Variants in PYGM observed in about 807,000 individuals in gnomAD.
The protein encoded by PYGM is glycogen phosphorylase, muscle associated, also known as glycogen phosphorylase, muscle form.
In PYGM, 81 loss-of-function variants were observed where a neutral mutation model predicts 99.3. The observed-to-expected ratio is 0.82, with a 90% CI of 0.68 to 0.98. The LOEUF (loss-of-function observed/expected upper bound fraction) is 0.98, where lower values mean the gene tolerates loss of function less well. PYGM is among the 50% of genes least tolerant of loss of function. The probability of loss-of-function intolerance (pLI) is 0.00; values close to 1 mark genes in which losing one functional copy is unlikely to be tolerated. For synonymous variants in PYGM, 436 were observed against 451.5 expected, an observed-to-expected ratio of 0.97 and a Z score of 0.44; for missense variants, 1,030 against 1,158.1, an observed-to-expected ratio of 0.89 and a Z score of 1.61.
chr11:64,758,902 CA>C (rs2058414260), intron 1 of PYGM, among the ~76,000 whole-genome samples, 198 bp from the exon 2 acceptor site: 1 of 152,204 alleles, frequency 6.6e-6, no homozygotes, highest in South Asian at 2.1e-4. Context: ...TGACTTTGGA[CA>C]AATCACTCTC....
In PYGM at chr11:64,753,629, C is replaced by T; in HGVS notation, c.1293G>A (p.Leu431=). 1 of 1,609,018 alleles carries T rather than the reference C, an allele frequency of 6.2e-7. No individual in the cohort carries two copies. Among genetic ancestry groups the T allele is most frequent in the South Asian group, 1.1e-5 (1 of 90,680 alleles). Residue 431 remains leucine (L), a synonymous_variant, in exon 11 of 20, where the codon CTG becomes CTA. Coordinates refer to ENST00000164139, the MANE Select transcript of PYGM (RefSeq NM_005609.4). ...TGCGCTTCACTGCGCCCTCCTCCAC[C>T]AGCGACATGCGCCGCAGCCGGTCTA... ...GDVDRLRRMS[L]VEEGAVKRIN...
rs1322278958 is a variant in PYGM, at chr11:64,753,688, C to T, written c.1240-6G>A. The T allele has an allele frequency of 6.2e-7, 1 of 1,603,594 alleles. No homozygotes were observed. ...GGGAATGCGGCCGCCACCCGCTGTG[C>T]CCAGAGAGCCCAGAGCTAGAACCAG... On this transcript the variant is annotated splice_region_variant and splice_polypyrimidine_tract_variant and intron_variant, in intron 10 of 19. Transcript: ENST00000164139.
rs368649966 is a variant in PYGM at position 64,759,753 on chromosome 11, G to T, written c.146C>A (p.Pro49Gln). 1.4e-5 allele frequency: 22 copies of T among 1,614,124 alleles called. No homozygotes were observed. In the African/African-American group the frequency reaches 2.4e-4, roughly 18 times the overall value. The change falls in exon 1 of 20, where the codon CCA becomes CAA. Residue 49 changes from proline to glutamine, a missense_variant. Pro to Gln is a moderately conservative substitution (Grantham distance 76, BLOSUM62 -1). Transcript: ENST00000164139. ...GGCCAGAGCAAAGTAGTAGTCTCGT[G>T]GGGTGGCCACATTGCGGTCCTTTAC... Reference protein sequence around the residue: ...TLVKDRNVATPRDYYFALAHT... With the variant: ...TLVKDRNVATQRDYYFALAHT...
At chr11:64,751,089 A>G in intron 16 of PYGM, 1 of 524,848 alleles carries the variant, frequency 1.9e-6, no homozygotes, top group Non-Finnish European at 3.4e-6. Flanking sequence ...ACGGGGTTTC[A>G]CCATGTTGGC....
chr11:64,749,793 ATTT>A (rs71049658), intron 17 of PYGM, among the ~76,000 whole-genome samples: 6 of 136,308 alleles, frequency 4.4e-5, no homozygotes, highest in Non-Finnish European at 4.6e-5. Context: ...GGGAGCAAGG[ATTT>A]TTTTTTTTTT....
chr11:64,751,270 T>C, intron 16 of PYGM, 55 bp downstream of exon 16: 4 of 1,610,824 alleles, frequency 2.5e-6, no homozygotes, highest in Non-Finnish European at 3.4e-6. Flanking sequence ...CTGATACCTC[T>C]TCCTGAGACT....
chr11:64,751,424 C>T lies in PYGM; in HGVS notation c.1870G>A (p.Val624Ile), dbSNP rs143217651. ...TTGACCACATCCCCGATGGCTGTGACGAGTCTGATGATCATCTTGGCCATG... is the reference window on the plus strand; with the variant it reads ...TTGACCACATCCCCGATGGCTGTGATGAGTCTGATGATCATCTTGGCCATG... ...YHMAKMIIRL[V>I]TAIGDVVNHD... Residue 624 changes from valine to isoleucine, a missense_variant, in exon 16 of 20, where the codon GTC becomes ATC. Coordinates refer to ENST00000164139, the MANE Select transcript of PYGM (RefSeq NM_005609.4). 3.0e-4 allele frequency: 487 copies of T among 1,614,050 alleles called. 1 individual carries two copies. The highest frequency in any genetic ancestry group is 3.0e-4 in the Admixed American group (18 of 60,012).
rs686171 is a variant in PYGM at position 64,751,873 on chromosome 11, G to A, written c.1768+51C>T. The A allele has an allele frequency of 0.1, 166,118 of 1,609,704 alleles. 12,275 individuals carry two copies. The highest frequency in any genetic ancestry group is 0.38 in the East Asian group (16,833 of 44,814). ...TTGGTTGGGCAATATGTACTATGCC[G>A]CAGGAACACGGGGGAGCACTGAGAG... is the stretch of plus-strand genomic sequence containing the variant. On this transcript the variant is annotated intron_variant, in intron 14 of 19. Coordinates refer to ENST00000164139, the MANE Select transcript of PYGM (RefSeq NM_005609.4).
At position 64,754,768 on chromosome 11, in the gene PYGM, G is replaced by C; in HGVS notation, c.924C>G (p.Ile308Met). The C allele has an allele frequency of 6.2e-7, 1 of 1,613,948 alleles. No homozygotes were observed. The highest frequency in any genetic ancestry group is 8.5e-7 in the Non-Finnish European group (1 of 1,180,002). ...YFVVAATLQD[I>M]IRRFKSSKFG... ...ACTTGGAAGACTTGAAGCGACGGAT[G>C]ATGTCCTGGAGGGTGGCAGCCACCA... The change falls in exon 8 of 20, where the codon ATC becomes ATG. Residue 308 changes from isoleucine (I) to methionine (M), a missense_variant. Ile to Met is a conservative substitution (Grantham distance 10, BLOSUM62 1). Transcript: ENST00000164139. The surrounding 1 kb of genome is among the most constrained non-coding windows in gnomAD (Gnocchi z 5.5).
chr11:64,749,207 C>T (rs889997171), intron 17 of PYGM, among the ~76,000 whole-genome samples: 1 of 150,730 alleles, frequency 6.6e-6, no homozygotes, highest in Non-Finnish European at 1.5e-5. Context: ...ATTAGCTGGG[C>T]GTGGTGGTGG....
chr11:64,756,463 G>A (rs1211972340), intron 5 of PYGM, among the ~76,000 whole-genome samples: 1 of 152,210 alleles, frequency 6.6e-6, no homozygotes, highest in Non-Finnish European at 1.5e-5. Flanking sequence ...TTGTTTGTTT[G>A]TTTTTGAGAT....
chr11:64,748,589 G>A (rs2135825798), intron 17 of PYGM: 2 of 152,158 alleles, frequency 1.3e-5, no homozygotes, highest in East Asian at 3.8e-4. Context: ...GACATTAAAA[G>A]GTTGCTCATC....
rs142048140 is a variant in PYGM at position 64,753,232 on chromosome 11, A to G, written c.1404-45T>C. ...GAGGGTCACCACTCACCCCTGTACA[A>G]TGAAGGCCTCTGCCCTGGGGCCCCT... On this transcript the variant is annotated intron_variant, in intron 11 of 19. Transcript: ENST00000164139. 4 of 1,530,836 alleles carry G rather than the reference A, an allele frequency of 2.6e-6. No individual in the cohort carries two copies. The African/African-American group carries it at 4.1e-5, about 16-fold the overall frequency. The allele number at this position is 1,530,836 out of a possible 1,614,324, so 94.8% of individuals were successfully genotyped here.
Position 64,757,821 on chromosome 11 carries a change from A to G in PYGM, c.618T>C (p.His206=), listed in dbSNP as rs371343340. The G allele has an allele frequency of 1.2e-6, 2 of 1,614,064 alleles. No individual in the cohort carries two copies. Among genetic ancestry groups the G allele is most frequent in the African/African-American group, 1.3e-5 (1 of 74,996 alleles). The change falls in exon 5 of 20, where the codon CAT becomes CAC. Residue 206 remains histidine, a synonymous_variant. Coordinates refer to ENST00000164139, the MANE Select transcript of PYGM (RefSeq NM_005609.4). ...EFTLPVHFYG[H]VEHTSQGAKW... ...TGGCACCCTGGCTGGTGTGCTCCACATGGCCGTAGAAGTGCACAGGTAGCG... is the reference window on the plus strand; with the variant it reads ...TGGCACCCTGGCTGGTGTGCTCCACGTGGCCGTAGAAGTGCACAGGTAGCG...
intron 16 of PYGM, 31 bp downstream of exon 16, chr11:64,751,294 C>A (rs1463186730): frequency 6.2e-7 from 1 of 1,613,678 alleles, no homozygotes; most frequent in Non-Finnish European, 8.5e-7. Flanking sequence ...CTAGTCAGAG[C>A]CTCCCTAGGG....
rs552410603 is a variant in PYGM, at chr11:64,751,882, C to T, written c.1768+42G>A. The T allele has an allele frequency of 4.3e-6, 7 of 1,612,732 alleles. No individual in the cohort carries two copies. The Admixed American group carries it at 5.0e-5, about 12-fold the overall frequency. On this transcript the variant is annotated intron_variant, in intron 14 of 19. Coordinates refer to ENST00000164139, the MANE Select transcript of PYGM (RefSeq NM_005609.4). Reference sequence around the variant, plus strand: ...CAATATGTACTATGCCGCAGGAACACGGGGGAGCACTGAGAGACAGGGTAG... The same window carrying T: ...CAATATGTACTATGCCGCAGGAACATGGGGGAGCACTGAGAGACAGGGTAG...
intron 17 of PYGM, chr11:64,747,989 C>T (rs149366492): frequency 8.0e-5 from 13 of 162,330 alleles, no homozygotes; most frequent in East Asian, 3.5e-4. Context: ...TGCAGTGAAC[C>T]GAGATCATGC....
chr11:64,746,475 G>A lies in PYGM; in HGVS notation c.*184C>T. The A allele has an allele frequency of 1.3e-6, 1 of 793,842 alleles. No individual in the cohort carries two copies. The highest frequency in any genetic ancestry group is 2.0e-6 in the Non-Finnish European group (1 of 498,438). The allele number at this position is 793,842 out of a possible 1,614,324, so 49.2% of individuals were successfully genotyped here. ...AAATAGGAGGGGACCGGGAGCCCGA[G>A]GACGGAAGGGGGCCCGTGTCCTTAG... On this transcript the variant is annotated 3_prime_UTR_variant, in exon 20 of 20. Transcript: ENST00000164139.
Position 64,754,485 on chromosome 11 carries a change from G to A in PYGM, c.1000-140C>T, listed in dbSNP as rs1175658031. ...TGGGCAGAGGCAGGCCGGTGCTCAT[G>A]GGGGTGGGAGGAATGGGGGGAGTGG... On this transcript the variant is annotated intron_variant, in intron 8 of 19. Transcript: ENST00000164139. The surrounding 1 kb of genome is among the most constrained non-coding windows in gnomAD (Gnocchi z 5.5). The A allele has an allele frequency of 1.0e-6, 1 of 966,590 alleles. No homozygotes were observed. The highest frequency in any genetic ancestry group is 2.6e-5 in the East Asian group (1 of 38,186). The allele number at this position is 966,590 out of a possible 1,614,324, so 59.9% of individuals were successfully genotyped here. A position where few individuals can be genotyped will look rare whatever the true frequency, so the allele number is the denominator to read the frequency against.
Sources: gnomAD v4.1 joint callset for allele counts (sites outside exome capture counted in the v4.1 genomes callset) on GRCh38, gnomAD v4.1.1 for gene constraint, Gnocchi (gnomAD v3.1) non-coding constraint, MANE v1.5 for transcripts, NCBI Gene and HGNC (gene_info 2026-07-23, HGNC 2026-07-21) for gene names.